The following AGMO variants were observed in gnomAD, a reference collection of about 807,000 sequenced individuals.
AGMO encodes alkylglycerol monooxygenase.
A neutral mutation model predicts 60.2 loss-of-function variants in AGMO; 75 were observed. That is an observed-to-expected ratio of 1.25 (90% confidence interval 1.03 to 1.51). The LOEUF (loss-of-function observed/expected upper bound fraction) is 1.51. Ranked by LOEUF, AGMO falls within the 40% of genes most tolerant of loss-of-function variation. The probability of loss-of-function intolerance (pLI) is 0.00; values close to 1 mark genes in which losing one functional copy is unlikely to be tolerated. For synonymous variants in AGMO, 261 were observed against 177.1 expected, an observed-to-expected ratio of 1.47 and a Z score of -3.76; for missense variants, 763 against 525.5, an observed-to-expected ratio of 1.45 and a Z score of -4.42.
At chr7:15,399,372 T>G (rs576824880) in intron 5 of AGMO, among the ~76,000 whole-genome samples, 2 of 152,334 alleles carry the variant, frequency 1.3e-5, no homozygotes, top group South Asian at 4.1e-4. Context: ...TAAACAGAGT[T>G]GACTAGGTTA....
chr7:15,400,104 G>A (rs1000689564), intron 5 of AGMO, among the ~76,000 whole-genome samples: 2 of 152,088 alleles, frequency 1.3e-5, no homozygotes, highest in Non-Finnish European at 2.9e-5. Flanking sequence ...CAAGTTTCAT[G>A]AGGATAAAAA....
intron 10 of AGMO, among the ~76,000 whole-genome samples, chr7:15,368,296 C>A (rs1176975982): frequency 5.0e-4 from 71 of 141,228 alleles, no homozygotes; most frequent in African/African-American, 1.5e-3. Context: ...AAAAAAAAAA[C>A]CAGAAAAATA....
At chr7:15,256,000 C>G (rs369823816) in intron 12 of AGMO, among the ~76,000 whole-genome samples, 1 of 152,286 alleles carries the variant, frequency 6.6e-6, no homozygotes. Flanking sequence ...AAGAAAAACA[C>G]TCCATCAATT....
At chr7:15,395,460 A>G (rs1403091797) in intron 5 of AGMO, among the ~76,000 whole-genome samples, 1 of 151,304 alleles carries the variant, frequency 6.6e-6, no homozygotes, top group African/African-American at 2.5e-5. Context: ...TTTATAATAA[A>G]CAGGGTATTA....
chr7:15,395,114 T>C (rs1038366076), intron 5 of AGMO, among the ~76,000 whole-genome samples: 4 of 152,206 alleles, frequency 2.6e-5, no homozygotes, highest in African/African-American at 9.7e-5. Flanking sequence ...TTTTCTTTAT[T>C]CACAATCTAA....
intron 3 of AGMO, among the ~76,000 whole-genome samples, chr7:15,542,191 C>T (rs140066145): frequency 1.3e-5 from 2 of 152,188 alleles, no homozygotes; most frequent in Admixed American, 6.5e-5. Context: ...AAGGTTGATA[C>T]ATTTAAATAA....
intron 3 of AGMO, among the ~76,000 whole-genome samples, chr7:15,535,884 G>A (rs76446065): frequency 1.4e-4 from 21 of 151,686 alleles, no homozygotes; most frequent in African/African-American, 4.8e-4. Flanking sequence ...ACAAGGTAGG[G>A]CAGCAACTTT....
intron 10 of AGMO, among the ~76,000 whole-genome samples, chr7:15,369,307 G>T (rs1176058275): frequency 6.6e-6 from 1 of 152,032 alleles, no homozygotes; most frequent in African/African-American, 2.4e-5. Context: ...GCTTATGTGA[G>T]ATCATGTCAC....
chr7:15,489,588 G>A (rs573973306), intron 3 of AGMO, among the ~76,000 whole-genome samples: 1 of 152,094 alleles, frequency 6.6e-6, no homozygotes, highest in African/African-American at 2.4e-5. Context: ...GGCCTTCTTC[G>A]TAAAAATAAT....
chr7:15,258,222 T>C (rs1283836329), intron 12 of AGMO, among the ~76,000 whole-genome samples: 4 of 152,286 alleles, frequency 2.6e-5, no homozygotes, highest in Admixed American at 1.3e-4. Context: ...AAGCACACAA[T>C]CTGAAATAAA....
chr7:15,153,230 T>C, the AGMO span, among the ~76,000 whole-genome samples: 1 of 152,094 alleles, frequency 6.6e-6, no homozygotes, highest in African/African-American at 2.4e-5. Context: ...TCTTTGTAGA[T>C]TGTGCATATT....
rs562825948 is a variant in AGMO at position 15,392,557 on chromosome 7, T to C, written c.676+1556A>G. Among the ~76,000 whole-genome samples the C allele has an allele frequency of 4.2e-3, 632 of 152,172 alleles. 3 individuals carry two copies. Among genetic ancestry groups the C allele is most frequent in the African/African-American group, 0.015 (605 of 41,530 alleles). ...GACTCAGGCCTGTAATCCCAGCACT[T>C]TGGGAGGCCAAGGAGGAAGGATCAT... On this transcript the variant is annotated intron_variant, in intron 6 of 12. Transcript: ENST00000342526.
rs904251802 is a variant in AGMO at position 15,392,889 on chromosome 7, G to A, written c.676+1224C>T. On this transcript the variant is annotated intron_variant, in intron 6 of 12. Coordinates refer to ENST00000342526, the MANE Select transcript of AGMO (RefSeq NM_001004320.2). Reference sequence around the variant, plus strand: ...TAGCTTCGCCTAGCCTGCCTTAAATGCGCTCAAAGCACTTACATCAGCCTG... The same window carrying A: ...TAGCTTCGCCTAGCCTGCCTTAAATACGCTCAAAGCACTTACATCAGCCTG... 3.3e-5 allele frequency among the ~76,000 whole-genome samples: 5 copies of A among 152,112 alleles called. 1 individual carries two copies. The highest frequency in any genetic ancestry group is 7.4e-5 in the Non-Finnish European group (5 of 68,022).
chr7:15,535,325 T>TG (rs1197498201), intron 3 of AGMO, among the ~76,000 whole-genome samples: 3 of 151,894 alleles, frequency 2.0e-5, no homozygotes, highest in African/African-American at 7.2e-5. Flanking sequence ...TTTCTAGGAA[T>TG]GGGGGGGCAT....
intron 3 of AGMO, among the ~76,000 whole-genome samples, chr7:15,472,268 A>G (rs1782468369): frequency 6.6e-6 from 1 of 151,892 alleles, no homozygotes; most frequent in South Asian, 2.1e-4. Flanking sequence ...GCAATGGTTG[A>G]TTTTCTAATG....
At chr7:15,343,917 TGTACAC>T (rs1385386559) in intron 12 of AGMO, among the ~76,000 whole-genome samples, 3 of 152,202 alleles carry the variant, frequency 2.0e-5, no homozygotes, top group Admixed American at 1.3e-4. Context: ...CATTCTCTCA[TGTACAC>T]AAGGAAAATG....
chr7:15,247,347 A>G (rs577126105), intron 12 of AGMO, among the ~76,000 whole-genome samples: 2 of 152,020 alleles, frequency 1.3e-5, no homozygotes, highest in African/African-American at 4.8e-5. Flanking sequence ...TGAAAAGATA[A>G]AATATGATAA....
At chr7:15,187,609 A>G in the AGMO span, among the ~76,000 whole-genome samples, 2 of 152,036 alleles carry the variant, frequency 1.3e-5, no homozygotes, top group Non-Finnish European at 2.9e-5. Flanking sequence ...CCCTTCCTCA[A>G]TTTGCCCTGC....
chr7:15,276,047 G>T (rs1021570280), intron 12 of AGMO, among the ~76,000 whole-genome samples: 2 of 152,174 alleles, frequency 1.3e-5, no homozygotes, highest in African/African-American at 4.8e-5. Flanking sequence ...ATTGATATGT[G>T]AGGTTGTGCT....
Sources: gnomAD v4.1 joint callset for allele counts (sites outside exome capture counted in the v4.1 genomes callset) on GRCh38, gnomAD v4.1.1 for gene constraint, MANE v1.5 for transcripts, NCBI Gene and HGNC (gene_info 2026-07-23, HGNC 2026-07-21) for gene names.